NFIX: variants seen among roughly 807,000 people sequenced by gnomAD.
The protein encoded by NFIX is nuclear factor I X, also known as nuclear factor 1 X-type.
NFIX carries 2 observed loss-of-function variants against 53.3 expected under a neutral mutation model. The observed-to-expected ratio is 0.04, with a 90% CI of 0.02 to 0.12. NFIX has a LOEUF of 0.12. NFIX is among the 10% of genes least tolerant of loss of function. The pLI is 1.00. For synonymous variants in NFIX, 244 were observed against 289.0 expected (o/e 0.84, Z 1.58); for missense variants, 310 against 674.5 (o/e 0.46, Z 5.99).
chr19:13,091,725 C>T (rs1478944211), intron 10 of NFIX, among the ~76,000 whole-genome samples: 1 of 152,156 alleles, frequency 6.6e-6, no homozygotes, highest in African/African-American at 2.4e-5. Context: ...GGACAGCAGG[C>T]GGGCCTCCCC....
At position 13,078,707 on chromosome 19, in the gene NFIX, G is replaced by A. The variant is rs763612479; in HGVS notation, c.1050G>A (p.Pro350=). Residue 350 remains proline (P), a synonymous_variant, in exon 7 of 11, where the codon CCG becomes CCA. Transcript: ENST00000592199. The surrounding 1 kb of genome is among the most constrained non-coding windows in gnomAD (Gnocchi z 4.7). ...SSPRMAFTHH[P]LPVLAGVRPG... is the part of the protein sequence containing the mutation. ...CGCGCATGGCTTTCACCCACCACCCGCTGCCTGTGCTTGCTGGAGTCAGAC... is the reference window on the plus strand; with the variant it reads ...CGCGCATGGCTTTCACCCACCACCCACTGCCTGTGCTTGCTGGAGTCAGAC... 3.0e-5 allele frequency: 48 copies of A among 1,599,808 alleles called. No homozygotes were observed. The South Asian group carries it at 4.9e-4, about 16-fold the overall frequency.
At chr19:13,031,283 G>T (rs1193246306) in intron 2 of NFIX, among the ~76,000 whole-genome samples, 1 of 152,146 alleles carries the variant, frequency 6.6e-6, no homozygotes, top group Non-Finnish European at 1.5e-5. Context: ...AGTCACCTTT[G>T]TCGGAGCTTG....
In NFIX at chr19:13,038,554, A is replaced by G. The variant is rs551334786; in HGVS notation, c.559+13002A>G. 1.4e-3 allele frequency among the ~76,000 whole-genome samples: 212 copies of G among 152,366 alleles called. 4 individuals carry two copies. In the South Asian group the frequency reaches 0.041, roughly 30 times the overall value. On this transcript the variant is annotated intron_variant, in intron 2 of 10. Transcript: ENST00000592199. ...ATTCTGGCACATGGAGTTTACAGAA[A>G]TCTAGGTTCTAAGTGTTCTCATGTC... is the stretch of plus-strand genomic sequence containing the variant.
In NFIX at chr19:13,006,373, C is replaced by T. The variant is rs1015711680; in HGVS notation, c.27+10509C>T. ...CCCATCATTTGCCCAGACCATGTTG[C>T]CTGTCATTTCTTCAATCTGAGCTCA... is the stretch of plus-strand genomic sequence containing the variant. On this transcript the variant is annotated intron_variant, in intron 1 of 10. Coordinates refer to ENST00000592199, the MANE Select transcript of NFIX (RefSeq NM_001365902.3). This position sits in a 1 kb window ranked among gnomAD's most constrained non-coding sequence, Gnocchi z 5.6. Among the ~76,000 whole-genome samples, 2 of 152,188 alleles carry T rather than the reference C, an allele frequency of 1.3e-5. No homozygotes were observed. The highest frequency in any genetic ancestry group is 2.9e-5 in the Non-Finnish European group (2 of 68,042).
At position 13,028,866 on chromosome 19, in the gene NFIX, G is replaced by A. The variant is rs989115699; in HGVS notation, c.559+3314G>A. On this transcript the variant is annotated intron_variant, in intron 2 of 10. Coordinates refer to ENST00000592199, the MANE Select transcript of NFIX (RefSeq NM_001365902.3). The surrounding 1 kb of genome is among the most constrained non-coding windows in gnomAD (Gnocchi z 4.2). Reference sequence around the variant, plus strand: ...GAACCGCTGCTAGACTATCTCCAAAGTTTCTGCAGCACCCTGAAGGTGAAC... The same window carrying A: ...GAACCGCTGCTAGACTATCTCCAAAATTTCTGCAGCACCCTGAAGGTGAAC... Among the ~76,000 whole-genome samples, 5 of 152,028 alleles carry A rather than the reference G, an allele frequency of 3.3e-5. No individual in the cohort carries two copies. Among genetic ancestry groups the A allele is most frequent in the Non-Finnish European group, 4.4e-5 (3 of 68,012 alleles).
Position 13,015,808 on chromosome 19 carries a change from A to ACG in NFIX, c.28-9212_28-9211insGC, listed in dbSNP as rs5827173. The stretch of plus-strand genomic sequence containing the variant: ...AGAGAGATCACACACACACACACAC[A>ACG]CACACGCACACGCACACGCACTCTG... On this transcript the variant is annotated intron_variant, in intron 1 of 10. Coordinates refer to ENST00000592199, the MANE Select transcript of NFIX (RefSeq NM_001365902.3). 1.8e-3 allele frequency among the ~76,000 whole-genome samples: 269 copies of ACG among 150,810 alleles called. 1 individual carries two copies. Among genetic ancestry groups the ACG allele is most frequent in the East Asian group, 5.1e-3 (26 of 5,068 alleles).
At position 13,005,711 on chromosome 19, in the gene NFIX, GC is replaced by G. The variant is rs1167994757; in HGVS notation, c.27+9849del. Among the ~76,000 whole-genome samples, 15 of 152,106 alleles carry G rather than the reference GC, an allele frequency of 9.9e-5. No homozygotes were observed. Among genetic ancestry groups the G allele is most frequent in the African/African-American group, 3.1e-4 (13 of 41,392 alleles). On this transcript the variant is annotated intron_variant, in intron 1 of 10. Coordinates refer to ENST00000592199, the MANE Select transcript of NFIX (RefSeq NM_001365902.3). The surrounding 1 kb of genome is among the most constrained non-coding windows in gnomAD (Gnocchi z 4.7). ...GGACAAAATTGCAGCTTGTTCTCTG[GC>G]CTTTCCCAAATTTCAAAATGGGTCT...
intron 8 of NFIX, chr19:13,082,070 G>A (rs2017504586): frequency 6.8e-6 from 4 of 588,814 alleles, no homozygotes; most frequent in East Asian, 5.7e-5. Flanking sequence ...CGGAGAGGTG[G>A]GGGCAGCATC....
intron 1 of NFIX, among the ~76,000 whole-genome samples, chr19:13,017,052 G>C (rs977209246): frequency 1.3e-5 from 2 of 152,154 alleles, no homozygotes; most frequent in African/African-American, 4.8e-5. Context: ...ACTCAAGTTC[G>C]TTAGGACGTT....
At chr19:13,047,609 G>T (rs184418386) in intron 2 of NFIX, among the ~76,000 whole-genome samples, 1 of 152,316 alleles carries the variant, frequency 6.6e-6, no homozygotes, top group East Asian at 1.9e-4. Flanking sequence ...GGTGCCATGT[G>T]TTGAGCTCTA....
intron 2 of NFIX, among the ~76,000 whole-genome samples, chr19:13,059,222 G>A (rs937014842): frequency 6.6e-6 from 1 of 152,220 alleles, no homozygotes; most frequent in African/African-American, 2.4e-5. Flanking sequence ...TCTTGCAGCC[G>A]TTTCAAGGGC....
rs1199111641 is a variant in NFIX, at chr19:13,011,401, G to T, written c.28-13620G>T. The stretch of plus-strand genomic sequence containing the variant: ...TCGGGAGAAATTTCCACTTGCCCCC[G>T]AGTCCAGCTCGGGCCGCACGCTACC... On this transcript the variant is annotated intron_variant, in intron 1 of 10. Transcript: ENST00000592199. The surrounding 1 kb of genome is among the most constrained non-coding windows in gnomAD (Gnocchi z 6.5). Among the ~76,000 whole-genome samples, 1 of 152,176 alleles carries T rather than the reference G, an allele frequency of 6.6e-6. No homozygotes were observed. Among genetic ancestry groups the T allele is most frequent in the Non-Finnish European group, 1.5e-5 (1 of 68,024 alleles).
Position 13,089,309 on chromosome 19 carries a change from G to A in NFIX, c.1403-990G>A, listed in dbSNP as rs1013064614. On this transcript the variant is annotated intron_variant, in intron 9 of 10. Coordinates refer to ENST00000592199, the MANE Select transcript of NFIX (RefSeq NM_001365902.3). This position sits in a 1 kb window ranked among gnomAD's most constrained non-coding sequence, Gnocchi z 4.8. ...TGCAGGGCAGCGGCGGGCCTTCCAG[G>A]TAACCTGTGACACTCCTTGCCTCCT... is the stretch of plus-strand genomic sequence containing the variant. 6.6e-6 allele frequency among the ~76,000 whole-genome samples: 1 copy of A among 152,154 alleles called. No homozygotes were observed. The highest frequency in any genetic ancestry group is 1.5e-5 in the Non-Finnish European group (1 of 68,018).
chr19:13,024,713 CGT>C, intron 1 of NFIX: 2 of 1,535,872 alleles, frequency 1.3e-6, no homozygotes, highest in African/African-American at 1.4e-5. Flanking sequence ...TGTCTGTGCG[CGT>C]GTGTGTGAGT....
In NFIX at chr19:13,027,271, C is replaced by T. The variant is rs1275357578; in HGVS notation, c.559+1719C>T. On this transcript the variant is annotated intron_variant, in intron 2 of 10. Transcript: ENST00000592199. This position sits in a 1 kb window ranked among gnomAD's most constrained non-coding sequence, Gnocchi z 4.3. ...CCCGTCATGCAGAAGGGCCAGGTGC[C>T]AGTCATTCCCCCTCCCTTCAGCTTG... 6.6e-6 allele frequency among the ~76,000 whole-genome samples: 1 copy of T among 152,136 alleles called. No homozygotes were observed. The highest frequency in any genetic ancestry group is 1.5e-5 in the Non-Finnish European group (1 of 68,044).
chr19:13,094,618 T>C lies in NFIX; in HGVS notation c.1495-17T>C, dbSNP rs1185307625. 1 of 1,536,088 alleles carries C rather than the reference T, an allele frequency of 6.5e-7. No homozygotes were observed. On this transcript the variant is annotated splice_polypyrimidine_tract_variant and intron_variant, in intron 10 of 10. Coordinates refer to ENST00000592199, the MANE Select transcript of NFIX (RefSeq NM_001365902.3). This position sits in a 1 kb window ranked among gnomAD's most constrained non-coding sequence, Gnocchi z 4.3. ...CCCAGCTGTTCTCAGTATCGCCTCT[T>C]TTTCATCCTGTTTCAGTCCTGGTTC...
chr19:13,025,479 C>T lies in NFIX; in HGVS notation c.486C>T (p.Cys162=), dbSNP rs2013267134. 6.2e-6 allele frequency: 10 copies of T among 1,613,906 alleles called. No individual in the cohort carries two copies. Among genetic ancestry groups the T allele is most frequent in the Non-Finnish European group, 8.5e-6 (10 of 1,179,910 alleles). ...KSPQCSNPGL[C]VQPHHIGVTI... ...CTCAGTGCTCGAACCCCGGCCTGTG[C>T]GTCCAGCCACATCACATTGGAGTCA... Residue 162 remains cysteine, a synonymous_variant, in exon 2 of 11, where the codon TGC becomes TGT. Transcript: ENST00000592199. The surrounding 1 kb of genome is among the most constrained non-coding windows in gnomAD (Gnocchi z 7.5).
rs139754073 is a variant in NFIX, at chr19:13,046,555, G to A, written c.559+21003G>A. On this transcript the variant is annotated intron_variant, in intron 2 of 10. Coordinates refer to ENST00000592199, the MANE Select transcript of NFIX (RefSeq NM_001365902.3). ...ATACACTCTTTTTCTTCCCTTTCCCGTTCCTGGGGCTTTTGCCATTCATCG... is the reference window on the plus strand; with the variant it reads ...ATACACTCTTTTTCTTCCCTTTCCCATTCCTGGGGCTTTTGCCATTCATCG... Among the ~76,000 whole-genome samples the A allele has an allele frequency of 5.3e-5, 8 of 150,284 alleles. No individual in the cohort carries two copies. The East Asian group carries it at 9.8e-4, about 18-fold the overall frequency.
chr19:13,071,274 C>T (rs916589284), intron 2 of NFIX: 3 of 152,278 alleles, frequency 2.0e-5, no homozygotes, highest in African/African-American at 7.2e-5. Flanking sequence ...GCTCCGTAGA[C>T]CTCTTGGCTG....
Sources: gnomAD v4.1 joint callset for allele counts (sites outside exome capture counted in the v4.1 genomes callset) on GRCh38, gnomAD v4.1.1 for gene constraint, Gnocchi (gnomAD v3.1) non-coding constraint, MANE v1.5 for transcripts, NCBI Gene and HGNC (gene_info 2026-07-23, HGNC 2026-07-21) for gene names.